RALGPS1: variants seen among roughly 807,000 people sequenced by gnomAD.
RALGPS1 encodes ras-specific guanine nucleotide-releasing factor RalGPS1.
Under a neutral mutation model 78.8 loss-of-function variants are expected in RALGPS1, and 19 were observed. That is an observed-to-expected ratio of 0.24 (90% CI 0.17 to 0.35). RALGPS1 has a LOEUF of 0.35. RALGPS1 is among the 10% of genes least tolerant of loss of function. The pLI, the probability that RALGPS1 is intolerant of heterozygous loss-of-function variation, is 1.00. For missense variants in RALGPS1, 454 were observed against 688.3 expected, an observed-to-expected ratio of 0.66 and a Z score of 3.81; for synonymous variants, 228 against 256.3, an observed-to-expected ratio of 0.89 and a Z score of 1.06.
chr9:126,923,502 C>T (rs2034970879), intron 1 of RALGPS1, among the ~76,000 whole-genome samples: 1 of 152,126 alleles, frequency 6.6e-6, no homozygotes, highest in African/African-American at 2.4e-5. Context: ...TTTCAGTTTC[C>T]AGATAATTGA....
intron 4 of RALGPS1, among the ~76,000 whole-genome samples, chr9:126,979,642 C>A (rs146573392): frequency 6.6e-6 from 1 of 152,304 alleles, no homozygotes; most frequent in South Asian, 2.1e-4. Flanking sequence ...AGGAGGGAGG[C>A]GGGTGGGGGC....
intron 4 of RALGPS1, among the ~76,000 whole-genome samples, chr9:126,995,928 A>G (rs1369052821): frequency 2.0e-5 from 3 of 151,720 alleles, no homozygotes; most frequent in Admixed American, 6.6e-5. Context: ...CTCCTGAATG[A>G]CTATTGGGTA....
rs2061860378 is a variant in RALGPS1, at chr9:127,205,113, C to G, written c.1247+6047C>G. On this transcript the variant is annotated intron_variant, in intron 14 of 18. Transcript: ENST00000259351. The surrounding 1 kb of genome is among the most constrained non-coding windows in gnomAD (Gnocchi z 4.0). ...TCATTCTTCCCCTGAGTCTGGTGTC[C>G]TCGGGTTCATTCTGCTGCCTGGTGC... is the stretch of plus-strand genomic sequence containing the variant. 6.6e-6 allele frequency among the ~76,000 whole-genome samples: 1 copy of G among 152,210 alleles called. No homozygotes were observed. The highest frequency in any genetic ancestry group is 1.5e-5 in the Non-Finnish European group (1 of 68,028).
intron 11 of RALGPS1, among the ~76,000 whole-genome samples, chr9:127,185,259 TAC>T (rs1398508103): frequency 6.6e-6 from 1 of 152,232 alleles, no homozygotes; most frequent in African/African-American, 2.4e-5. Flanking sequence ...TAAAAATCTC[TAC>T]ACCTTCCCCT....
intron 4 of RALGPS1, among the ~76,000 whole-genome samples, chr9:127,024,466 T>A (rs773999069): frequency 5.3e-5 from 8 of 151,470 alleles, no homozygotes; most frequent in Non-Finnish European, 1.0e-4. Context: ...ACTGCCCACC[T>A]TCTGTTGATT....
At chr9:127,016,325 C>T (rs903352830) in intron 4 of RALGPS1, among the ~76,000 whole-genome samples, 2 of 152,228 alleles carry the variant, frequency 1.3e-5, no homozygotes, top group South Asian at 2.1e-4. Flanking sequence ...TATGTAATGC[C>T]GGTTATATGG....
At chr9:127,043,151 A>G (rs535351286) in intron 5 of RALGPS1, among the ~76,000 whole-genome samples, 1 of 152,356 alleles carries the variant, frequency 6.6e-6, no homozygotes, top group East Asian at 1.9e-4. Flanking sequence ...AAGCTGTTTT[A>G]CAAATATCAA....
chr9:126,926,680 A>T (rs939461504), intron 1 of RALGPS1, among the ~76,000 whole-genome samples: 1 of 152,122 alleles, frequency 6.6e-6, no homozygotes, highest in African/African-American at 2.4e-5. Context: ...ATTGTCACTT[A>T]TAGTCCTGGT....
At chr9:127,105,811 T>C (rs2054162438) in intron 8 of RALGPS1, among the ~76,000 whole-genome samples, 2 of 152,190 alleles carry the variant, frequency 1.3e-5, no homozygotes, top group Non-Finnish European at 2.9e-5. Flanking sequence ...CCAGACTGAG[T>C]TTCTGGAGGT....
At chr9:126,985,281 C>T (rs1257693150) in intron 4 of RALGPS1, among the ~76,000 whole-genome samples, 2 of 152,142 alleles carry the variant, frequency 1.3e-5, no homozygotes, top group Non-Finnish European at 2.9e-5. Context: ...CTGAACTGAC[C>T]CGAAGTCTAG....
intron 4 of RALGPS1, among the ~76,000 whole-genome samples, chr9:127,022,903 TCTC>T (rs756686834): frequency 2.0e-5 from 3 of 152,198 alleles, no homozygotes; most frequent in African/African-American, 7.2e-5. Context: ...AAATCTCTCT[TCTC>T]CTGTAGAAGG....
intron 8 of RALGPS1, among the ~76,000 whole-genome samples, chr9:127,156,777 G>A (rs1368833991): frequency 6.6e-6 from 1 of 151,444 alleles, no homozygotes; most frequent in Non-Finnish European, 1.5e-5. Context: ...AATGGTTTTG[G>A]GTCTTATGTC....
intron 4 of RALGPS1, among the ~76,000 whole-genome samples, chr9:127,028,242 C>G (rs2046124626): frequency 6.6e-6 from 1 of 152,252 alleles, no homozygotes; most frequent in African/African-American, 2.4e-5. Flanking sequence ...CCCAGTTCTC[C>G]TCTAGGCTGC....
chr9:127,024,939 C>T (rs1035689350), intron 4 of RALGPS1, among the ~76,000 whole-genome samples: 1 of 151,996 alleles, frequency 6.6e-6, no homozygotes, highest in African/African-American at 2.4e-5. Flanking sequence ...GGTTTAATTA[C>T]ATCCAGTAAA....
chr9:127,121,506 A>G (rs1275275414), intron 8 of RALGPS1, among the ~76,000 whole-genome samples: 1 of 152,246 alleles, frequency 6.6e-6, no homozygotes, highest in Non-Finnish European at 1.5e-5. Flanking sequence ...ATAATCCTAC[A>G]GCAGAGGCAA....
At chr9:127,119,917 C>G (rs1378082712) in intron 8 of RALGPS1, among the ~76,000 whole-genome samples, 3 of 152,240 alleles carry the variant, frequency 2.0e-5, no homozygotes, top group Non-Finnish European at 4.4e-5. Context: ...AAACCTGTGG[C>G]TTCAGTAGCC....
At chr9:127,178,496 G>A in intron 11 of RALGPS1, 1 of 989,554 alleles carries the variant, frequency 1.0e-6, no homozygotes, top group South Asian at 4.6e-5. Context: ...TGATCATGGT[G>A]ATGTGATTAT....
At chr9:126,933,370 G>A (rs952210602) in intron 1 of RALGPS1, among the ~76,000 whole-genome samples, 8 of 152,190 alleles carry the variant, frequency 5.3e-5, no homozygotes, top group Non-Finnish European at 7.4e-5. Context: ...CCCAGTCTTC[G>A]GGCAGGGGTT....
At chr9:126,948,552 A>T (rs7035596) in intron 1 of RALGPS1, among the ~76,000 whole-genome samples, 2 of 152,038 alleles carry the variant, frequency 1.3e-5, no homozygotes, top group African/African-American at 4.8e-5. Flanking sequence ...ATAAAATTTC[A>T]GAAAGTCCTC....
Sources: gnomAD v4.1 joint callset for allele counts (sites outside exome capture counted in the v4.1 genomes callset) on GRCh38, gnomAD v4.1.1 for gene constraint, Gnocchi (gnomAD v3.1) non-coding constraint, MANE v1.5 for transcripts, NCBI Gene and HGNC (gene_info 2026-07-23, HGNC 2026-07-21) for gene names.